SLC25A17: variants seen among roughly 807,000 people sequenced by gnomAD.
SLC25A17 encodes the protein peroxisomal membrane protein PMP34.
Under a neutral mutation model 38.5 loss-of-function variants are expected in SLC25A17, and 26 were observed. The observed-to-expected ratio is 0.68, with a 90% CI of 0.50 to 0.94. The LOEUF (loss-of-function observed/expected upper bound fraction) is 0.94. Among genes scored for constraint, SLC25A17 ranks in the 40% least tolerant of loss-of-function variants. SLC25A17 has a pLI of 0.00. For missense variants in SLC25A17, 333 were observed against 372.7 expected, an observed-to-expected ratio of 0.89 and a Z score of 0.88; for synonymous variants, 139 against 136.2, an observed-to-expected ratio of 1.02 and a Z score of -0.14.
chr22:40,816,606 ATTG>A (rs955193416), intron 1 of SLC25A17, among the ~76,000 whole-genome samples: 10 of 120,548 alleles, frequency 8.3e-5, no homozygotes, highest in African/African-American at 1.7e-4. Context: ...TTTATTTTTT[ATTG>A]TTTTTTTTTT....
chr22:40,797,323 C>G, intron 2 of SLC25A17: 1 of 1,301,288 alleles, frequency 7.7e-7, no homozygotes. Flanking sequence ...TTTACAATTT[C>G]AACTTGAACA....
chr22:40,812,989 T>G (rs1315846119), intron 1 of SLC25A17, among the ~76,000 whole-genome samples: 1 of 152,212 alleles, frequency 6.6e-6, no homozygotes, highest in Non-Finnish European at 1.5e-5. Context: ...AAAATGTTAT[T>G]CACCTCATCA....
intron 1 of SLC25A17, among the ~76,000 whole-genome samples, chr22:40,806,917 A>T (rs1365693054): frequency 6.6e-6 from 1 of 152,160 alleles, no homozygotes; most frequent in African/African-American, 2.4e-5. Context: ...TCATAGGCAC[A>T]ATCATTGTAT....
intron 4 of SLC25A17, among the ~76,000 whole-genome samples, chr22:40,787,115 T>G (rs1356902758): frequency 6.6e-6 from 1 of 152,118 alleles, no homozygotes; most frequent in Non-Finnish European, 1.5e-5. Flanking sequence ...TAACCCAGAA[T>G]AAAACCTAGG....
intron 4 of SLC25A17, among the ~76,000 whole-genome samples, chr22:40,790,871 T>C (rs569711957): frequency 2.0e-5 from 3 of 152,336 alleles, no homozygotes; most frequent in East Asian, 1.9e-4. Flanking sequence ...GTCTCAAGTA[T>C]AGAAGATCCC....
intron 1 of SLC25A17, among the ~76,000 whole-genome samples, chr22:40,806,836 G>A (rs993897245): frequency 2.0e-5 from 3 of 151,986 alleles, no homozygotes; most frequent in Non-Finnish European, 2.9e-5. Flanking sequence ...TTTTGCTACC[G>A]GCTTTTCCTT....
intron 2 of SLC25A17, among the ~76,000 whole-genome samples, chr22:40,797,096 T>C (rs1238470268): frequency 6.6e-6 from 1 of 152,248 alleles, no homozygotes; most frequent in Non-Finnish European, 1.5e-5. Context: ...ATAAACATGC[T>C]ACCTGCAGTG....
chr22:40,789,604 T>A lies in SLC25A17; in HGVS notation c.334+2921A>T, dbSNP rs937086611. Among the ~76,000 whole-genome samples the A allele has an allele frequency of 2.0e-5, 3 of 152,060 alleles. No individual in the cohort carries two copies. Among genetic ancestry groups the A allele is most frequent in the Non-Finnish European group, 4.4e-5 (3 of 67,996 alleles). On this transcript the variant is annotated intron_variant, in intron 4 of 8. Coordinates refer to ENST00000435456, the MANE Select transcript of SLC25A17 (RefSeq NM_006358.4). The surrounding 1 kb of genome is among the most constrained non-coding windows in gnomAD (Gnocchi z 4.5). ...TCACTGCAACCTCTGCCTGCCAGGTTCAAACAATTCTCCTGCCTCAGTCTC... is the reference window on the plus strand; with the variant it reads ...TCACTGCAACCTCTGCCTGCCAGGTACAAACAATTCTCCTGCCTCAGTCTC...
At chr22:40,805,757 A>G (rs954308453) in intron 1 of SLC25A17, among the ~76,000 whole-genome samples, 47 of 152,234 alleles carry the variant, frequency 3.1e-4, no homozygotes, top group Non-Finnish European at 2.6e-4. Context: ...CTCTGCTGAC[A>G]CTTTGATTTT....
At chr22:40,816,925 C>G (rs2057647170) in intron 1 of SLC25A17, among the ~76,000 whole-genome samples, 1 of 152,034 alleles carries the variant, frequency 6.6e-6, no homozygotes, top group African/African-American at 2.4e-5. Context: ...CATTTATTGT[C>G]TGACTCCCCT....
At chr22:40,801,490 ACT>A (rs2057483816) in intron 1 of SLC25A17, among the ~76,000 whole-genome samples, 1 of 152,156 alleles carries the variant, frequency 6.6e-6, no homozygotes, top group Admixed American at 6.5e-5. Context: ...AATTCACTGT[ACT>A]TTCACTTATT....
At chr22:40,818,516 C>T (rs998574989) in intron 1 of SLC25A17, among the ~76,000 whole-genome samples, 10 of 151,404 alleles carry the variant, frequency 6.6e-5, no homozygotes, top group African/African-American at 2.4e-4. Context: ...CGAGACCAGC[C>T]TGGGCAACAC....
chr22:40,787,142 A>C (rs2145666305), intron 4 of SLC25A17, among the ~76,000 whole-genome samples: 1 of 152,328 alleles, frequency 6.6e-6, no homozygotes, highest in East Asian at 1.9e-4. Context: ...GGGTACAGGA[A>C]ACAAGGAAAG....
chr22:40,775,123 C>A (rs567312354), intron 7 of SLC25A17, among the ~76,000 whole-genome samples: 17 of 152,270 alleles, frequency 1.1e-4, no homozygotes, highest in Non-Finnish European at 1.9e-4. Flanking sequence ...CAGCTTAAAG[C>A]CCTTCCCATC....
rs1569404856 is a variant in SLC25A17 at position 40,789,401 on chromosome 22, T to A, written c.334+3124A>T. On this transcript the variant is annotated intron_variant, in intron 4 of 8. Transcript: ENST00000435456. The surrounding 1 kb of genome is among the most constrained non-coding windows in gnomAD (Gnocchi z 4.5). The stretch of plus-strand genomic sequence containing the variant: ...TGCACCAGGGGCCCGACGATGCCGA[T>A]GACACGCCACGGAGGATCCCTGATG... The A allele has an allele frequency of 6.6e-6, 1 of 152,298 alleles. No homozygotes were observed. The highest frequency in any genetic ancestry group is 1.9e-4 in the East Asian group (1 of 5,192). 9.4% of individuals were successfully genotyped at this position (152,298 alleles called of 1,614,324 possible). A position where few individuals can be genotyped will look rare whatever the true frequency, so the allele number is the denominator to read the frequency against.
chr22:40,779,464 G>C (rs2057276672), intron 4 of SLC25A17: 3 of 529,816 alleles, frequency 5.7e-6, no homozygotes, highest in Middle Eastern at 5.0e-4. Context: ...TAACGTAACA[G>C]CTTTAGAGAT....
chr22:40,774,096 AT>A lies in SLC25A17; in HGVS notation c.694-78del, dbSNP rs1385289181. 12 of 835,004 alleles carry A rather than the reference AT, an allele frequency of 1.4e-5. No homozygotes were observed. In the African/African-American group the frequency reaches 1.8e-4, roughly 13 times the overall value. The allele number at this position is 835,004 out of a possible 1,614,324, so 51.7% of individuals were successfully genotyped here. A position where few individuals can be genotyped will look rare whatever the true frequency, so the allele number is the denominator to read the frequency against. On this transcript the variant is annotated intron_variant, in intron 7 of 8. Transcript: ENST00000435456. ...TTCATTTTTACCTGGGGAGGATATT[AT>A]GTTGGAGTAGTATCTTATAGCATAC... is the stretch of plus-strand genomic sequence containing the variant.
chr22:40,787,380 A>T (rs1246014820), intron 4 of SLC25A17, among the ~76,000 whole-genome samples: 1 of 152,238 alleles, frequency 6.6e-6, no homozygotes, highest in East Asian at 1.9e-4. Flanking sequence ...GAGAATAAAC[A>T]GTTCACTCTT....
chr22:40,777,865 C>T (rs1019742015), intron 5 of SLC25A17, among the ~76,000 whole-genome samples: 7 of 151,600 alleles, frequency 4.6e-5, no homozygotes, highest in South Asian at 2.1e-4. Context: ...GATAATCAGA[C>T]ATTGACAGTC....
Sources: gnomAD v4.1 joint callset for allele counts (sites outside exome capture counted in the v4.1 genomes callset) on GRCh38, gnomAD v4.1.1 for gene constraint, Gnocchi (gnomAD v3.1) non-coding constraint, MANE v1.5 for transcripts, NCBI Gene and HGNC (gene_info 2026-07-23, HGNC 2026-07-21) for gene names.